SPAG9: variants seen among roughly 807,000 people sequenced by gnomAD.
SPAG9 encodes the protein sperm associated antigen 9.
A neutral mutation model predicts 166.5 loss-of-function variants in SPAG9; 35 were observed. The ratio of observed to expected loss-of-function variants is 0.21; its 90% CI spans 0.16 to 0.28. The LOEUF is 0.28. Among genes scored for constraint, SPAG9 ranks in the 10% least tolerant of loss-of-function variants. The pLI is 1.00. For missense variants in SPAG9, 1,235 were observed against 1,603.3 expected, an observed-to-expected ratio of 0.77 and a Z score of 3.92; for synonymous variants, 534 against 565.5, an observed-to-expected ratio of 0.94 and a Z score of 0.79.
chr17:51,046,839 C>T (rs1020251793), intron 4 of SPAG9: 1 of 1,532,132 alleles, frequency 6.5e-7, no homozygotes, highest in Admixed American at 2.0e-5. Context: ...CCGTTCTCCC[C>T]ACCTCATAAC....
chr17:50,964,804 G>A lies in SPAG9; in HGVS notation c.*1468C>T, dbSNP rs1207805020. On this transcript the variant is annotated 3_prime_UTR_variant, in exon 30 of 30. Coordinates refer to ENST00000262013, the MANE Select transcript of SPAG9 (RefSeq NM_001130528.3). Reference sequence around the variant, plus strand: ...GTCTTGCTCCGTCACCCAGGCTGGAGTGCAGTGGTGCTATCAAGGCTCACT... The same window carrying A: ...GTCTTGCTCCGTCACCCAGGCTGGAATGCAGTGGTGCTATCAAGGCTCACT... The A allele has an allele frequency of 9.6e-6, 4 of 417,602 alleles. No homozygotes were observed. The highest frequency in any genetic ancestry group is 1.9e-5 in the Non-Finnish European group (4 of 207,088). The allele number at this position is 417,602 out of a possible 1,614,324, so 25.9% of individuals were successfully genotyped here. A position where few individuals can be genotyped will look rare whatever the true frequency, so the allele number is the denominator to read the frequency against.
chr17:51,062,892 C>CTCCA (rs904792007), intron 2 of SPAG9, among the ~76,000 whole-genome samples: 2 of 152,082 alleles, frequency 1.3e-5, no homozygotes, highest in Non-Finnish European at 2.9e-5. Flanking sequence ...ACACAACCTA[C>CTCCA]TCCACGTCTT....
At chr17:51,066,130 G>C (rs2047656887) in intron 2 of SPAG9, among the ~76,000 whole-genome samples, 1 of 151,392 alleles carries the variant, frequency 6.6e-6, no homozygotes, top group African/African-American at 2.4e-5. Context: ...TCTTGAGACA[G>C]GGTCTTGTTC....
chr17:51,082,179 C>T (rs1242262773), intron 1 of SPAG9, among the ~76,000 whole-genome samples: 1 of 151,864 alleles, frequency 6.6e-6, no homozygotes, highest in African/African-American at 2.4e-5. Context: ...GAGTTTGAGA[C>T]CAGCCTGGCC....
chr17:51,110,644 G>A (rs747838096), intron 1 of SPAG9, among the ~76,000 whole-genome samples: 2 of 151,910 alleles, frequency 1.3e-5, no homozygotes, highest in Non-Finnish European at 2.9e-5. Context: ...AGCCAAGATC[G>A]CACCACTGCA....
chr17:50,992,079 G>A (rs1220412004), intron 19 of SPAG9, among the ~76,000 whole-genome samples: 1 of 151,470 alleles, frequency 6.6e-6, no homozygotes, highest in African/African-American at 2.4e-5. Context: ...TGTGGAATGA[G>A]GTCTCACTAT....
intron 1 of SPAG9, among the ~76,000 whole-genome samples, chr17:51,102,155 G>A (rs937278635): frequency 2.0e-5 from 3 of 151,920 alleles, no homozygotes; most frequent in African/African-American, 7.3e-5. Flanking sequence ...GGCCAAGGTG[G>A]GCGAACTGCC....
At chr17:51,050,928 AAG>A (rs1392693226) in intron 3 of SPAG9, among the ~76,000 whole-genome samples, 1 of 151,828 alleles carries the variant, frequency 6.6e-6, no homozygotes, top group Non-Finnish European at 1.5e-5. Context: ...TAAACAACTG[AAG>A]AGAGAGAGAA....
intron 8 of SPAG9, among the ~76,000 whole-genome samples, chr17:51,019,573 CT>C (rs1414825803): frequency 6.7e-6 from 1 of 149,636 alleles, no homozygotes; most frequent in Non-Finnish European, 1.5e-5. Flanking sequence ...ATAAACAAGG[CT>C]GGGCGCAGTG....
intron 4 of SPAG9, among the ~76,000 whole-genome samples, chr17:51,042,130 T>G (rs1317517347): frequency 6.6e-6 from 1 of 152,200 alleles, no homozygotes; most frequent in Non-Finnish European, 1.5e-5. Context: ...ATATATTATC[T>G]AAATCAGGGC....
intron 9 of SPAG9, among the ~76,000 whole-genome samples, chr17:51,010,975 T>C (rs1351698302): frequency 1.3e-5 from 2 of 152,116 alleles, no homozygotes; most frequent in African/African-American, 4.8e-5. Context: ...GGAGCGCTGA[T>C]ACCTGAAAGA....
At position 51,037,693 on chromosome 17, in the gene SPAG9, T is replaced by TA. The variant is rs1568028403; in HGVS notation, c.741+3807_741+3808insT. Among the ~76,000 whole-genome samples the TA allele has an allele frequency of 1.3e-4, 12 of 89,888 alleles. 1 individual carries two copies. Among genetic ancestry groups the TA allele is most frequent in the African/African-American group, 3.4e-4 (9 of 26,574 alleles). 59.0% of individuals were successfully genotyped at this position (89,888 alleles called of 152,430 possible). ...TATATATATATATATATAGTGTGTG[T>TA]GTGTGTGTGTGTGTGTGTGTGTGTG... On this transcript the variant is annotated intron_variant, in intron 5 of 29. Transcript: ENST00000262013.
chr17:50,996,486 A>G, intron 16 of SPAG9, 79 bp downstream of exon 16: 2 of 1,528,410 alleles, frequency 1.3e-6, no homozygotes, highest in Admixed American at 3.4e-5. Context: ...GGATGCGTAC[A>G]GTGAATCCTT....
At chr17:51,021,392 A>T in intron 6 of SPAG9, 27 bp from the exon 7 acceptor site, 1 of 1,532,436 alleles carries the variant, frequency 6.5e-7, no homozygotes, top group Non-Finnish European at 8.9e-7. Context: ...TTTAAAATAA[A>T]ATTTTAAATG....
At chr17:50,980,407 G>A (rs2143702443) in intron 25 of SPAG9, among the ~76,000 whole-genome samples, 1 of 151,972 alleles carries the variant, frequency 6.6e-6, no homozygotes, top group African/African-American at 2.4e-5. Context: ...CTTTCATCAT[G>A]TTGGCCAGGC....
At chr17:51,041,427 C>T (rs1410505570) in intron 5 of SPAG9, 74 bp downstream of exon 5, 9 of 1,385,954 alleles carry the variant, frequency 6.5e-6, no homozygotes, top group East Asian at 2.3e-5. Flanking sequence ...ATACTGTGGT[C>T]GTCTAGCACT....
At chr17:51,044,340 G>A (rs2046946183) in intron 4 of SPAG9, among the ~76,000 whole-genome samples, 1 of 152,216 alleles carries the variant, frequency 6.6e-6, no homozygotes, top group Non-Finnish European at 1.5e-5. Context: ...TCAAGTGGCA[G>A]ATTTATACCT....
rs540885120 is a variant in SPAG9 at position 50,981,778 on chromosome 17, C to T, written c.3237+746G>A. 1.6e-3 allele frequency among the ~76,000 whole-genome samples: 235 copies of T among 150,372 alleles called. 1 individual carries two copies. Among genetic ancestry groups the T allele is most frequent in the Non-Finnish European group, 3.0e-3 (200 of 67,696 alleles). ...CCGGACGCGGTGGCTCATGCCTTAACCCCAGGACTTTGGGAGGCCAAGGTG... is the reference window on the plus strand; with the variant it reads ...CCGGACGCGGTGGCTCATGCCTTAATCCCAGGACTTTGGGAGGCCAAGGTG... On this transcript the variant is annotated intron_variant, in intron 25 of 29. Transcript: ENST00000262013.
chr17:51,016,021 G>T (rs1433633251), intron 8 of SPAG9, among the ~76,000 whole-genome samples: 1 of 152,024 alleles, frequency 6.6e-6, no homozygotes, highest in Non-Finnish European at 1.5e-5. Flanking sequence ...AATCTTAAAA[G>T]ATTTCAGAAA....
Sources: allele counts gnomAD v4.1 joint callset (sites outside exome capture counted in the v4.1 genomes callset), GRCh38; gene constraint gnomAD v4.1.1; transcripts MANE v1.5; gene names NCBI Gene and HGNC (gene_info 2026-07-23, HGNC 2026-07-21).